Variants in TFG observed in about 807,000 individuals in gnomAD.
TFG encodes the protein protein TFG.
Under a neutral mutation model 51.4 loss-of-function variants are expected in TFG, and 22 were observed. The observed-to-expected ratio is 0.43, with a 90% CI of 0.31 to 0.61. The LOEUF (loss-of-function observed/expected upper bound fraction) is 0.61. Among genes scored for constraint, TFG ranks in the 20% least tolerant of loss-of-function variants. The pLI is 0.12. For synonymous variants in TFG, 187 were observed against 165.6 expected (o/e 1.13, Z -0.99); for missense variants, 419 against 487.7 (o/e 0.86, Z 1.33).
intron 7 of TFG, among the ~76,000 whole-genome samples, chr3:100,746,795 C>T (rs775856048): frequency 5.3e-5 from 8 of 152,020 alleles, no homozygotes; most frequent in Non-Finnish European, 8.8e-5. Context: ...GATGAAAAGG[C>T]ACTTTTCTTT....
rs2095082870 is a variant in TFG, at chr3:100,728,736, A to C, written c.293A>C (p.Glu98Ala). The C allele has an allele frequency of 6.2e-7, 1 of 1,610,154 alleles. No homozygotes were observed. The highest frequency in any genetic ancestry group is 8.5e-7 in the Non-Finnish European group (1 of 1,178,486). ...GTTAATGGCCAGCCAAGACCCCTTG[A>C]ATCAAGTCAGGTGAAATATCTCCGT... Reference protein sequence around the residue: ...LFVNGQPRPLESSQVKYLRRE... With the variant: ...LFVNGQPRPLASSQVKYLRRE... Residue 98 changes from glutamate (E) to alanine (A), a missense_variant, in exon 4 of 8, where the codon GAA becomes GCA. Transcript: ENST00000240851.
Position 100,748,744 on chromosome 3 carries a change from C to T in TFG, c.*213C>T. The T allele has an allele frequency of 1.8e-6, 1 of 550,252 alleles. No homozygotes were observed. Among genetic ancestry groups the T allele is most frequent in the Non-Finnish European group, 3.1e-6 (1 of 319,422 alleles). 34.1% of individuals were successfully genotyped at this position (550,252 alleles called of 1,614,324 possible). A position where few individuals can be genotyped will look rare whatever the true frequency, so the allele number is the denominator to read the frequency against. The stretch of plus-strand genomic sequence containing the variant: ...TCCCTGCTTAAAAATGTAGCAGCTT[C>T]TTAGTTACTTTGGAACACTACTCTT... On this transcript the variant is annotated 3_prime_UTR_variant, in exon 8 of 8. Coordinates refer to ENST00000240851, the MANE Select transcript of TFG (RefSeq NM_006070.6).
intron 6 of TFG, chr3:100,742,568 A>T (rs2095124139): frequency 1.3e-5 from 2 of 152,184 alleles, no homozygotes; most frequent in South Asian, 4.1e-4. Flanking sequence ...ACACACACCC[A>T]TAGTCGTTCA....
intron 6 of TFG, chr3:100,744,604 C>T (rs2095129995): frequency 2.8e-6 from 1 of 359,774 alleles, no homozygotes; most frequent in Non-Finnish European, 5.0e-6. Context: ...TGGTGTTGCA[C>T]TTAATGTTTA....
intron 2 of TFG, among the ~76,000 whole-genome samples, chr3:100,718,108 T>A (rs977044130): frequency 4.6e-5 from 7 of 151,930 alleles, no homozygotes; most frequent in Non-Finnish European, 8.8e-5. Context: ...TTAATGTTTA[T>A]CAAAATGGGG....
chr3:100,728,329 T>C (rs2095081548), intron 3 of TFG, among the ~76,000 whole-genome samples: 1 of 149,506 alleles, frequency 6.7e-6, no homozygotes, highest in Non-Finnish European at 1.5e-5. Flanking sequence ...TATATAATTT[T>C]TATTAAATTT....
intron 6 of TFG, chr3:100,743,767 A>G (rs1474970099): frequency 6.6e-6 from 1 of 151,796 alleles, no homozygotes; most frequent in African/African-American, 2.4e-5. Context: ...CTAGCTGCCT[A>G]CTGCAGCTCG....
At chr3:100,741,473 A>G (rs1414552066) in intron 6 of TFG, among the ~76,000 whole-genome samples, 1 of 152,220 alleles carries the variant, frequency 6.6e-6, no homozygotes, top group Non-Finnish European at 1.5e-5. Flanking sequence ...ATATTTTTGT[A>G]TAGTAGCACA....
At chr3:100,742,233 G>A (rs531206126) in intron 6 of TFG, among the ~76,000 whole-genome samples, 207 of 152,196 alleles carry the variant, frequency 1.4e-3, no homozygotes, top group African/African-American at 4.8e-3. Context: ...TAACATTGTT[G>A]ATAGGTTCTT....
At position 100,736,676 on chromosome 3, in the gene TFG, A is replaced by G. The variant is rs150488725; in HGVS notation, c.681A>G (p.Pro227=). The G allele has an allele frequency of 1.9e-6, 3 of 1,614,054 alleles. No homozygotes were observed. The highest frequency in any genetic ancestry group is 1.7e-5 in the Admixed American group (1 of 59,980). Residue 227 remains proline, a synonymous_variant, in exon 6 of 8, where the codon CCA becomes CCG. Coordinates refer to ENST00000240851, the MANE Select transcript of TFG (RefSeq NM_006070.6). ...AHPPGVQPQQ[P]PYTGAQTQAG... ...CACCAGGCGTTCAGCCACAGCAGCC[A>G]CCATATACAGGAGCTCAGACTCAAG... is the stretch of plus-strand genomic sequence containing the variant.
intron 6 of TFG, among the ~76,000 whole-genome samples, chr3:100,741,534 G>C (rs979998765): frequency 2.0e-5 from 3 of 152,080 alleles, no homozygotes; most frequent in Non-Finnish European, 4.4e-5. Context: ...AGTTTATAAA[G>C]TAAAAACATT....
intron 3 of TFG, 150 bp from the exon 4 acceptor site, chr3:100,728,562 T>A: frequency 1.6e-6 from 1 of 614,538 alleles, no homozygotes; most frequent in South Asian, 2.8e-5. Context: ...CATAGAGAAT[T>A]CTTTTTTTTT....
intron 1 of TFG, among the ~76,000 whole-genome samples, chr3:100,710,607 A>G (rs1194725328): frequency 2.0e-5 from 3 of 152,224 alleles, no homozygotes; most frequent in Non-Finnish European, 2.9e-5. Flanking sequence ...TAGTAGAACC[A>G]GAAGTTTGTC....
intron 7 of TFG, among the ~76,000 whole-genome samples, chr3:100,746,599 G>A (rs2095135548): frequency 6.6e-6 from 1 of 151,632 alleles, no homozygotes; most frequent in African/African-American, 2.4e-5. Context: ...TTGGAGGGAC[G>A]GAAGGGAGAC....
rs766374092 is a variant in TFG, at chr3:100,748,181, C to A, written c.853C>A (p.Pro285Thr). 6.2e-7 allele frequency: 1 copy of A among 1,614,086 alleles called. No homozygotes were observed. Among genetic ancestry groups the A allele is most frequent in the South Asian group, 1.1e-5 (1 of 91,088 alleles). ...TAGTCAGCAGACTGGACCTCAACAA[C>A]CTCAGCAGTTCCAGGGATATGGCCA... ...SYSQQTGPQQ[P>T]QQFQGYGQQP... Residue 285 changes from proline (P) to threonine (T), a missense_variant, in exon 8 of 8, where the codon CCT (proline) becomes ACT (threonine). Coordinates refer to ENST00000240851, the MANE Select transcript of TFG (RefSeq NM_006070.6).
intron 4 of TFG, 123 bp downstream of exon 4, chr3:100,728,981 C>T: frequency 1.2e-6 from 1 of 816,264 alleles, no homozygotes. Flanking sequence ...CTTCCTCTGC[C>T]TCTCTACTAG....
chr3:100,716,648 T>G (rs1475302058), intron 2 of TFG, among the ~76,000 whole-genome samples: 1 of 152,204 alleles, frequency 6.6e-6, no homozygotes, highest in Non-Finnish European at 1.5e-5. Context: ...CTGTTGACAT[T>G]CCTACCAATA....
intron 7 of TFG, among the ~76,000 whole-genome samples, chr3:100,746,323 C>T (rs1209536478): frequency 2.0e-5 from 3 of 151,998 alleles, no homozygotes; most frequent in Admixed American, 2.0e-4. Context: ...GGGTGTGGGA[C>T]TCAGGCGTTT....
upstream of TFG, chr3:100,709,412 C>A (rs762834955): frequency 3.2e-4 from 49 of 152,502 alleles, no homozygotes; most frequent in Non-Finnish European, 6.2e-4. Flanking sequence ...GCGCCTCGCG[C>A]CGTCGCGCAT....
Sources: gnomAD v4.1 joint callset for allele counts (sites outside exome capture counted in the v4.1 genomes callset) on GRCh38, gnomAD v4.1.1 for gene constraint, MANE v1.5 for transcripts, NCBI Gene and HGNC (gene_info 2026-07-23, HGNC 2026-07-21) for gene names.